The following C11orf65 variants were observed in gnomAD, a reference collection of about 807,000 sequenced individuals.
C11orf65 encodes the protein protein MFI.
In C11orf65, 38 loss-of-function variants were observed where a neutral mutation model predicts 35.3. The observed-to-expected ratio is 1.08, with a 90% CI of 0.83 to 1.41. The LOEUF (loss-of-function observed/expected upper bound fraction) is 1.41, where lower values mean the gene tolerates loss of function less well. C11orf65 is among the 40% of genes most tolerant of loss of function. The pLI is 0.00. For missense variants in C11orf65, 370 were observed against 367.1 expected (o/e 1.01, Z -0.06); for synonymous variants, 105 against 114.4 (o/e 0.92, Z 0.53).
At chr11:108,458,746 G>A (rs1264467478) in intron 2 of C11orf65, among the ~76,000 whole-genome samples, 3 of 151,974 alleles carry the variant, frequency 2.0e-5, no homozygotes. Flanking sequence ...TTTGCAGATG[G>A]CACAAAATTT....
At chr11:108,412,479 C>T (rs1198163723) in intron 3 of C11orf65, among the ~76,000 whole-genome samples, 1 of 152,168 alleles carries the variant, frequency 6.6e-6, no homozygotes, top group Non-Finnish European at 1.5e-5. Context: ...ATGTTATCCA[C>T]AAGCAACCCA....
chr11:108,329,599 T>C (rs561065261), downstream of C11orf65, among the ~76,000 whole-genome samples: 72 of 152,104 alleles, frequency 4.7e-4, 1 homozygote, highest in African/African-American at 1.7e-3. Context: ...TTTGTAGAGA[T>C]GGGGTTTTGC....
intron 3 of C11orf65, among the ~76,000 whole-genome samples, chr11:108,427,339 CA>C (rs571933041): frequency 0.039 from 4,320 of 110,920 alleles, 151 homozygotes; most frequent in African/African-American, 0.11. Flanking sequence ...AACAAATTTA[CA>C]AAAAAAAAAA....
chr11:108,360,104 TA>T (rs2090529630), intron 2 of C11orf65, among the ~76,000 whole-genome samples: 1 of 151,024 alleles, frequency 6.6e-6, no homozygotes, highest in Admixed American at 6.6e-5. Context: ...TAAAAAATGA[TA>T]AAGGGGATAT....
intron 6 of C11orf65, among the ~76,000 whole-genome samples, chr11:108,397,165 A>C (rs1019152388): frequency 2.0e-5 from 3 of 151,932 alleles, no homozygotes; most frequent in Non-Finnish European, 4.4e-5. Context: ...TACTAAAAAT[A>C]CAAAAATTAG....
chr11:108,362,833 A>T (rs1215048169), intron 2 of C11orf65, among the ~76,000 whole-genome samples: 4 of 149,768 alleles, frequency 2.7e-5, no homozygotes, highest in Non-Finnish European at 5.9e-5. Flanking sequence ...TAGCATTGGG[A>T]GATATACCTA....
downstream of C11orf65, among the ~76,000 whole-genome samples, chr11:108,377,852 G>A (rs986902493): frequency 2.0e-5 from 3 of 151,946 alleles, no homozygotes; most frequent in Non-Finnish European, 4.4e-5. Context: ...CAAACAGAGA[G>A]CCAAATCATG....
At chr11:108,443,935 C>G (rs2093205744) in intron 2 of C11orf65, among the ~76,000 whole-genome samples, 1 of 152,020 alleles carries the variant, frequency 6.6e-6, no homozygotes, top group Admixed American at 6.6e-5. Context: ...CAAAAACATT[C>G]AAAAGCTAGC....
intron 3 of C11orf65, among the ~76,000 whole-genome samples, chr11:108,420,185 A>C (rs1175216915): frequency 6.6e-6 from 1 of 152,262 alleles, no homozygotes. Flanking sequence ...AGCAAAAGAT[A>C]TGTAAGACCT....
chr11:108,464,232 A>C (rs1417794465), intron 1 of C11orf65, among the ~76,000 whole-genome samples: 1 of 152,116 alleles, frequency 6.6e-6, no homozygotes, highest in East Asian at 1.9e-4. Flanking sequence ...CAGCGGCAAC[A>C]ATTTTTGTAG....
At chr11:108,467,111 T>G (rs973575522) in intron 1 of C11orf65, among the ~76,000 whole-genome samples, 4 of 152,208 alleles carry the variant, frequency 2.6e-5, no homozygotes, top group Non-Finnish European at 5.9e-5. Flanking sequence ...TAATGTGTAC[T>G]TCCCGGTCAG....
At chr11:108,337,205 T>C (rs565839395) in intron 2 of C11orf65, among the ~76,000 whole-genome samples, 7 of 152,180 alleles carry the variant, frequency 4.6e-5, no homozygotes, top group Admixed American at 1.3e-4. Flanking sequence ...ATAAAACTTA[T>C]TGGTTGGGAG....
chr11:108,390,106 C>G (rs963443256), intron 7 of C11orf65, among the ~76,000 whole-genome samples: 1 of 152,132 alleles, frequency 6.6e-6, no homozygotes, highest in Non-Finnish European at 1.5e-5. Context: ...TCACTGCAAC[C>G]TCCACCTCCT....
At chr11:108,404,720 C>T (rs1032923471) in intron 6 of C11orf65, among the ~76,000 whole-genome samples, 5 of 151,952 alleles carry the variant, frequency 3.3e-5, no homozygotes, top group Non-Finnish European at 5.9e-5. Context: ...TGAGCCACCG[C>T]GCCCGGCCAC....
intron 6 of C11orf65, among the ~76,000 whole-genome samples, chr11:108,405,132 G>A (rs760535587): frequency 6.6e-6 from 1 of 152,158 alleles, no homozygotes; most frequent in Non-Finnish European, 1.5e-5. Flanking sequence ...CTCTAATGGC[G>A]TTCACTCAAA....
At chr11:108,333,020 T>G in intron 3 of C11orf65, 2 of 1,274,876 alleles carry the variant, frequency 1.6e-6, no homozygotes, top group Non-Finnish European at 2.2e-6. Flanking sequence ...TCCAAAAGCT[T>G]AATTTATATC....
At chr11:108,454,387 C>A (rs1010997199) in intron 2 of C11orf65, among the ~76,000 whole-genome samples, 1 of 151,572 alleles carries the variant, frequency 6.6e-6, no homozygotes, top group African/African-American at 2.4e-5. Context: ...CAACCTCTGC[C>A]CCCTGGGTTC....
chr11:108,456,502 C>T (rs1479837133), intron 2 of C11orf65, among the ~76,000 whole-genome samples: 1 of 152,106 alleles, frequency 6.6e-6, no homozygotes, highest in Non-Finnish European at 1.5e-5. Context: ...AAAGTGGTGG[C>T]TGGGCATGGT....
intron 2 of C11orf65, among the ~76,000 whole-genome samples, chr11:108,339,971 C>T (rs1050237524): frequency 6.6e-5 from 10 of 152,072 alleles, no homozygotes; most frequent in African/African-American, 1.4e-4. Context: ...TATATACCTA[C>T]GTTGGGTTAG....
Sources: allele counts gnomAD v4.1 joint callset (sites outside exome capture counted in the v4.1 genomes callset), GRCh38; gene constraint gnomAD v4.1.1; transcripts MANE v1.5; gene names NCBI Gene and HGNC (gene_info 2026-07-23, HGNC 2026-07-21).